Variants in LZTS3 observed in about 807,000 individuals in gnomAD.
LZTS3 encodes the protein leucine zipper tumor suppressor family member 3.
Under a neutral mutation model 50.9 loss-of-function variants are expected in LZTS3, and 16 were observed. That is an observed-to-expected ratio of 0.31 (90% CI 0.21 to 0.48). The LOEUF (loss-of-function observed/expected upper bound fraction) is 0.48. LZTS3 is among the 20% of genes least tolerant of loss of function. LZTS3 has a pLI of 0.99. For synonymous variants in LZTS3, 408 were observed against 410.6 expected, an observed-to-expected ratio of 0.99 and a Z score of 0.08; for missense variants, 816 against 931.0, an observed-to-expected ratio of 0.88 and a Z score of 1.61.
At chr20:3,173,315 G>C (rs1008740334) in intron 1 of LZTS3, 140 bp downstream of exon 1, 2 of 152,474 alleles carry the variant, frequency 1.3e-5, no homozygotes, top group African/African-American at 4.8e-5. Context: ...CCTCCTCTCC[G>C]CTCCCCTCCC....
rs370614364 is a variant in LZTS3 at position 3,165,941 on chromosome 20, C to A, written c.879G>T (p.Arg293=). Residue 293 remains arginine, a synonymous_variant, in exon 4 of 5, where the codon CGG becomes CGT. Transcript: ENST00000337576. This position sits in a 1 kb window ranked among gnomAD's most constrained non-coding sequence, Gnocchi z 5.0. The stretch of plus-strand genomic sequence containing the variant: ...CCTCCCCAGAGCCCAGGTGGCCTGG[C>A]CGCCCCATAGATGACGACGACCCAC... ...SKSGSSSSMG[R]PGHLGSGEGG... is the part of the protein sequence containing the mutation. 1.1e-5 allele frequency: 17 copies of A among 1,612,158 alleles called. No homozygotes were observed. In the Admixed American group the frequency reaches 2.8e-4, roughly 27 times the overall value.
rs1316356710 is a variant in LZTS3, at chr20:3,167,114, G to T, written c.50C>A (p.Pro17His). ...GGGCCGTGGGGCAAAGGCCAGGAGA[G>T]GATCCCGCCCTGGGTCAGCGCGCAC... ...LPVRADPGRD[P>H]LLAFAPRPSE... is the part of the protein sequence containing the mutation. The change falls in exon 3 of 5, where the codon CCT becomes CAT. Residue 17 changes from proline (P) to histidine (H), a missense_variant. Pro to His is a moderately conservative substitution (Grantham distance 77, BLOSUM62 -2). Around this residue, in one of 3 missense-constraint regions of LZTS3, gnomAD observed 700 missense variants for 769.4 expected, o/e 0.91. Coordinates refer to ENST00000337576, the MANE Select transcript of LZTS3 (RefSeq NM_001365618.1). The T allele has an allele frequency of 6.6e-7, 1 of 1,517,408 alleles. No individual in the cohort carries two copies. The allele number at this position is 1,517,408 out of a possible 1,614,324, so 94.0% of individuals were successfully genotyped here.
At position 3,164,726 on chromosome 20, in the gene LZTS3, G is replaced by T; in HGVS notation, c.1750C>A (p.Leu584Met). 1 of 1,554,376 alleles carries T rather than the reference G, an allele frequency of 6.4e-7. No individual in the cohort carries two copies. The highest frequency in any genetic ancestry group is 8.7e-7 in the Non-Finnish European group (1 of 1,152,084). ...RREVGRLQAE[L>M]AAERRARERQ... The stretch of plus-strand genomic sequence containing the variant: ...TCCCGGGCCCGCCGCTCAGCCGCCA[G>T]CTCGGCCTGCAGCCGCCCCACCTCC... The change falls in exon 5 of 5, where the codon CTG becomes ATG. Residue 584 changes from leucine to methionine, a missense_variant. Around this residue, in one of 3 missense-constraint regions of LZTS3, gnomAD observed 107 missense variants for 130.4 expected, o/e 0.82. Transcript: ENST00000337576.
Position 3,165,347 on chromosome 20 carries a change from C to A in LZTS3, c.1323+150G>T. ...CTCACCCAGCGGATGGCCTCGGGTC[C>A]TCACAGACACTCCCAATTGATTTTT... is the stretch of plus-strand genomic sequence containing the variant. On this transcript the variant is annotated intron_variant, in intron 4 of 4. Transcript: ENST00000337576. This position sits in a 1 kb window ranked among gnomAD's most constrained non-coding sequence, Gnocchi z 5.0. The A allele has an allele frequency of 7.4e-7, 1 of 1,344,114 alleles. No individual in the cohort carries two copies. 83.3% of individuals were successfully genotyped at this position (1,344,114 alleles called of 1,614,324 possible).
At chr20:3,167,559 G>A in intron 2 of LZTS3, 179 bp downstream of exon 2, 1 of 1,017,398 alleles carries the variant, frequency 9.8e-7, no homozygotes, top group Non-Finnish European at 1.2e-6. Flanking sequence ...CAGAATTTTG[G>A]GGTTCTTTAT....
Position 3,166,246 on chromosome 20 carries a change from C to G in LZTS3, c.574G>C (p.Gly192Arg). Residue 192 changes from glycine to arginine, a missense_variant, in exon 4 of 5, where the codon GGC becomes CGC. By Grantham distance (125) the Gly-to-Arg change is moderately radical. Transcript: ENST00000337576. ...AGTCCGCCTTTGAGGCCACCAGGGC[C>G]CTGCCGTCCCTCAGGAGTCCCATTG... Reference protein sequence around the residue: ...QTNGTPEGRQGPGGLKGGLDK... With the variant: ...QTNGTPEGRQRPGGLKGGLDK... The G allele has an allele frequency of 6.2e-7, 1 of 1,613,758 alleles. No homozygotes were observed. The highest frequency in any genetic ancestry group is 8.5e-7 in the Non-Finnish European group (1 of 1,179,844).
chr20:3,172,398 G>A (rs2066911872), intron 1 of LZTS3, among the ~76,000 whole-genome samples: 2 of 152,190 alleles, frequency 1.3e-5, no homozygotes, highest in African/African-American at 4.8e-5. Flanking sequence ...AACCAGAGCA[G>A]AGCTTGCAGC....
chr20:3,166,457 C>T (rs1379316193), intron 3 of LZTS3, 97 bp from the exon 4 acceptor site: 36 of 1,415,238 alleles, frequency 2.5e-5, no homozygotes, highest in Non-Finnish European at 3.0e-5. Flanking sequence ...CCCCACCTCC[C>T]ACCCCTACTG....
rs2066768610 is a variant in LZTS3, at chr20:3,164,143, T to C, written c.*311A>G. 3.1e-6 allele frequency: 1 copy of C among 319,922 alleles called. No individual in the cohort carries two copies. The allele number at this position is 319,922 out of a possible 1,614,324, so 19.8% of individuals were successfully genotyped here. On this transcript the variant is annotated 3_prime_UTR_variant, in exon 5 of 5. Transcript: ENST00000337576. ...CTGGGGCACCTTATGGCACTGCACG[T>C]CTGCTGCCTCCATCTCCAACAAGGG...
In LZTS3 at chr20:3,165,765, A is replaced by T. The variant is rs1568489679; in HGVS notation, c.1055T>A (p.Val352Glu). The stretch of plus-strand genomic sequence containing the variant: ...CCACGCCTTCTGCCGCTCCTCCAGT[A>T]CCTGGGCCACAGCCGCCTCGCTCTG... ...LEQSEAAVAQVLEERQKAWER... is the reference protein window; with the variant it reads ...LEQSEAAVAQELEERQKAWER... The change falls in exon 4 of 5, where the codon GTA becomes GAA. Residue 352 changes from valine (V) to glutamate (E), a missense_variant. By Grantham distance (121) the Val-to-Glu change is moderately radical. Around this residue, in one of 3 missense-constraint regions of LZTS3, gnomAD observed 700 missense variants for 769.4 expected, o/e 0.91. Transcript: ENST00000337576. The surrounding 1 kb of genome is among the most constrained non-coding windows in gnomAD (Gnocchi z 5.0). The T allele has an allele frequency of 6.3e-7, 1 of 1,579,604 alleles. No individual in the cohort carries two copies. Among genetic ancestry groups the T allele is most frequent in the Non-Finnish European group, 8.5e-7 (1 of 1,169,968 alleles).
intron 1 of LZTS3, among the ~76,000 whole-genome samples, chr20:3,170,491 A>AAAAAAC (rs1555768553): frequency 7.1e-6 from 1 of 140,172 alleles, no homozygotes; most frequent in Non-Finnish European, 1.5e-5. Flanking sequence ...TACATCAAAA[A>AAAAAAC]AAAAAAAAAA....
Position 3,167,009 on chromosome 20 carries a change from ATGGCAAACT to A in LZTS3, c.146_154del (p.Glu49_Met52delinsVal). On this transcript the variant is annotated inframe_deletion, in exon 3 of 5. Transcript: ENST00000337576. ...CCCTGTGCGGGTACCCACGCTCTTC[ATGGCAAACT>A]CCTGGGCATGGGCCACCCCACTGCC... is the stretch of plus-strand genomic sequence containing the variant. The A allele has an allele frequency of 6.3e-7, 1 of 1,591,598 alleles. No individual in the cohort carries two copies. Among genetic ancestry groups the A allele is most frequent in the East Asian group, 2.2e-5 (1 of 44,510 alleles).
rs1353444070 is a variant in LZTS3 at position 3,162,773 on chromosome 20, ATTTTTTTCTT to A, written c.*1671_*1680del. 6.6e-6 allele frequency: 1 copy of A among 151,576 alleles called. No homozygotes were observed. Among genetic ancestry groups the A allele is most frequent in the African/African-American group, 2.4e-5 (1 of 41,140 alleles). The allele number at this position is 151,576 out of a possible 1,614,324, so 9.4% of individuals were successfully genotyped here. The stretch of plus-strand genomic sequence containing the variant: ...GCTGAGTCTGTTCATATTTTTTTCT[ATTTTTTTCTT>A]ACTAATGCCTTCTCTTCTCCCTGCC... On this transcript the variant is annotated 3_prime_UTR_variant, in exon 5 of 5. Transcript: ENST00000337576. The surrounding 1 kb of genome is among the most constrained non-coding windows in gnomAD (Gnocchi z 5.0).
chr20:3,173,142 C>T (rs550844626), intron 1 of LZTS3, among the ~76,000 whole-genome samples: 1 of 152,254 alleles, frequency 6.6e-6, no homozygotes, highest in South Asian at 2.1e-4. Context: ...ACCTGGGAGT[C>T]CCTGCGATGG....
At chr20:3,169,865 C>T (rs1482746930) in intron 1 of LZTS3, among the ~76,000 whole-genome samples, 6 of 126,090 alleles carry the variant, frequency 4.8e-5, no homozygotes, top group East Asian at 2.3e-4. Flanking sequence ...GGTGACAGAG[C>T]GAGACTCTTT....
Position 3,167,098 on chromosome 20 carries a change from G to C in LZTS3, c.66C>G (p.Ala22=). 2 of 1,535,436 alleles carry C rather than the reference G, an allele frequency of 1.3e-6. No homozygotes were observed. Among genetic ancestry groups the C allele is most frequent in the Non-Finnish European group, 1.7e-6 (2 of 1,143,886 alleles). ...DPGRDPLLAF[A]PRPSELGPPD... ...GGGGTCCAAGCTCGGAGGGCCGTGGGGCAAAGGCCAGGAGAGGATCCCGCC... is the reference window on the plus strand; with the variant it reads ...GGGGTCCAAGCTCGGAGGGCCGTGGCGCAAAGGCCAGGAGAGGATCCCGCC... The change falls in exon 3 of 5, where the codon GCC becomes GCG. Residue 22 remains alanine, a synonymous_variant. Coordinates refer to ENST00000337576, the MANE Select transcript of LZTS3 (RefSeq NM_001365618.1).
In LZTS3 at chr20:3,165,668, G is replaced by T. The variant is rs764852784; in HGVS notation, c.1152C>A (p.Arg384=). 1 of 1,588,636 alleles carries T rather than the reference G, an allele frequency of 6.3e-7. No individual in the cohort carries two copies. The highest frequency in any genetic ancestry group is 8.5e-7 in the Non-Finnish European group (1 of 1,174,694). The change falls in exon 4 of 5, where the codon CGC becomes CGA. Residue 384 remains arginine (R), a synonymous_variant. Transcript: ENST00000337576. The surrounding 1 kb of genome is among the most constrained non-coding windows in gnomAD (Gnocchi z 5.0). ...KLQQVARRAQ[R]AQQGLQLQVL... Reference sequence around the variant, plus strand: ...CCTGCAGCTGTAGGCCCTGCTGGGCGCGCTGGGCACGTCGGGCCACCTGCT... The same window carrying T: ...CCTGCAGCTGTAGGCCCTGCTGGGCTCGCTGGGCACGTCGGGCCACCTGCT...
chr20:3,170,956 T>A (rs981080413), intron 1 of LZTS3, among the ~76,000 whole-genome samples: 4 of 152,204 alleles, frequency 2.6e-5, no homozygotes, highest in African/African-American at 9.7e-5. Context: ...AAATTAACCA[T>A]GGTAGAAACC....
chr20:3,165,849 A>G lies in LZTS3; in HGVS notation c.971T>C (p.Leu324Pro). ...CTCCTTCTCCCACAGCCGCTCCTCC[A>G]GCTCCTGGATGAGTGCACTGGGGGA... ...PPSPSALIQE[L>P]EERLWEKEQE... The change falls in exon 4 of 5, where the codon CTG becomes CCG. Residue 324 changes from leucine to proline, a missense_variant. By Grantham distance (98) the Leu-to-Pro change is moderately conservative. This residue lies in a region of LZTS3 where 700 missense variants were observed against 769.4 expected (regional missense o/e 0.91). Transcript: ENST00000337576. The surrounding 1 kb of genome is among the most constrained non-coding windows in gnomAD (Gnocchi z 5.0). 1 of 1,605,456 alleles carries G rather than the reference A, an allele frequency of 6.2e-7. No individual in the cohort carries two copies. The highest frequency in any genetic ancestry group is 8.5e-7 in the Non-Finnish European group (1 of 1,179,490).
Sources: allele counts gnomAD v4.1 joint callset (sites outside exome capture counted in the v4.1 genomes callset), GRCh38; gene constraint gnomAD v4.1.1; regional missense constraint gnomAD v4.1.1; non-coding constraint Gnocchi (gnomAD v3.1); transcripts MANE v1.5; gene names NCBI Gene and HGNC (gene_info 2026-07-23, HGNC 2026-07-21).